CNTN1: variants seen among roughly 807,000 people sequenced by gnomAD.
CNTN1 encodes the protein contactin-1.
CNTN1 carries 38 observed loss-of-function variants against 126.4 expected under a neutral mutation model. That is an observed-to-expected ratio of 0.30 (90% CI 0.23 to 0.39). CNTN1 has a LOEUF of 0.39. Ranked by LOEUF, CNTN1 falls within the 10% of genes least tolerant of loss-of-function variation. The pLI is 1.00. For missense variants in CNTN1, 1,009 were observed against 1,248.4 expected (o/e 0.81, Z 2.89); for synonymous variants, 413 against 422.6 (o/e 0.98, Z 0.28).
In CNTN1 at chr12:40,971,786, T is replaced by C. The variant is rs997703680; in HGVS notation, c.1805-9123T>C. 2.1e-5 allele frequency: 25 copies of C among 1,196,838 alleles called. No homozygotes were observed. The African/African-American group carries it at 3.4e-4, about 16-fold the overall frequency. The allele number at this position is 1,196,838 out of a possible 1,614,324, so 74.1% of individuals were successfully genotyped here. ...GTGAAAGTTTTGTGTTTTCATGTCC[T>C]GTTTTTCTTTGAAATTATATAGCCC... is the stretch of plus-strand genomic sequence containing the variant. On this transcript the variant is annotated intron_variant, in intron 15 of 23. Transcript: ENST00000551295.
At chr12:40,889,004 C>T (rs955922559) in intron 1 of CNTN1, among the ~76,000 whole-genome samples, 2 of 152,244 alleles carry the variant, frequency 1.3e-5, no homozygotes, top group African/African-American at 4.8e-5. Flanking sequence ...GGGATGCGCT[C>T]CATGGAGCCA....
intron 1 of CNTN1, among the ~76,000 whole-genome samples, chr12:40,864,019 C>CTTTTTTTTTTT (rs71434336): frequency 2.2e-5 from 2 of 92,584 alleles, no homozygotes; most frequent in African/African-American, 4.1e-5. Context: ...CTCTGCTTTC[C>CTTTTTTTTTTT]TTTTTTTTTT....
rs1566234450 is a variant in CNTN1, at chr12:41,056,968, TA to T, written c.2981-12990del. On this transcript the variant is annotated intron_variant, in intron 23 of 23. Transcript: ENST00000551295. ...ATAATATTTAGATATTTATAAATAT[TA>T]TAAATATTTAGATATTTATAAATAT... 2.1e-3 allele frequency among the ~76,000 whole-genome samples: 193 copies of T among 93,874 alleles called. 6 individuals carry two copies. The highest frequency in any genetic ancestry group is 6.3e-3 in the East Asian group (21 of 3,354). 61.6% of individuals were successfully genotyped at this position (93,874 alleles called of 152,430 possible). A position where few individuals can be genotyped will look rare whatever the true frequency, so the allele number is the denominator to read the frequency against.
intron 1 of CNTN1, among the ~76,000 whole-genome samples, chr12:40,744,848 T>A (rs55635729): frequency 0.12 from 18,294 of 152,116 alleles, 1,213 homozygotes; most frequent in African/African-American, 0.14. Context: ...GTTTAACACC[T>A]ATGTTACATA....
chr12:40,792,256 A>C (rs924912952), intron 1 of CNTN1, among the ~76,000 whole-genome samples: 2 of 151,994 alleles, frequency 1.3e-5, no homozygotes, highest in Non-Finnish European at 2.9e-5. Context: ...CCACTTTTTA[A>C]TTTTGTTTGG....
intron 1 of CNTN1, among the ~76,000 whole-genome samples, chr12:40,750,365 C>G (rs867420475): frequency 1.3e-5 from 2 of 152,024 alleles, no homozygotes; most frequent in African/African-American, 4.8e-5. Context: ...GAGGGATTCA[C>G]TGTAGGTAAA....
intron 1 of CNTN1, among the ~76,000 whole-genome samples, chr12:40,847,200 CTT>C (rs965484717): frequency 7.9e-5 from 12 of 152,060 alleles, no homozygotes; most frequent in Admixed American, 2.0e-4. Context: ...CTTCTGCTTC[CTT>C]TTTGTTTTCT....
At chr12:41,040,325 G>A (rs1949370389) in intron 23 of CNTN1, among the ~76,000 whole-genome samples, 1 of 152,078 alleles carries the variant, frequency 6.6e-6, no homozygotes, top group Admixed American at 6.6e-5. Context: ...AATAATATCT[G>A]AACAAAATAT....
At chr12:40,901,419 C>T (rs531352371) in intron 1 of CNTN1, among the ~76,000 whole-genome samples, 3 of 152,026 alleles carry the variant, frequency 2.0e-5, no homozygotes, top group South Asian at 2.1e-4. Context: ...CTGAGTAAAT[C>T]GCAAGATAAT....
At chr12:41,010,173 C>A (rs1410941742) in intron 17 of CNTN1, among the ~76,000 whole-genome samples, 1 of 152,274 alleles carries the variant, frequency 6.6e-6, no homozygotes, top group Admixed American at 6.5e-5. Flanking sequence ...TTTCCAGAAT[C>A]ACCCAGGGCT....
chr12:40,977,762 A>G (rs867925665), intron 15 of CNTN1, among the ~76,000 whole-genome samples: 1 of 139,056 alleles, frequency 7.2e-6, no homozygotes, highest in South Asian at 2.4e-4. Flanking sequence ...CCTAACAATC[A>G]TCTGTTTTGT....
chr12:40,767,280 T>C (rs942647649), intron 1 of CNTN1, among the ~76,000 whole-genome samples: 1 of 151,128 alleles, frequency 6.6e-6, no homozygotes, highest in Non-Finnish European at 1.5e-5. Flanking sequence ...AATAATTGAA[T>C]TATCTTATTT....
At chr12:40,984,768 G>A (rs1301730907) in intron 16 of CNTN1, among the ~76,000 whole-genome samples, 3 of 151,978 alleles carry the variant, frequency 2.0e-5, no homozygotes, top group African/African-American at 7.3e-5. Flanking sequence ...TGTCCCCTTT[G>A]TGCAGCTAGT....
intron 1 of CNTN1, among the ~76,000 whole-genome samples, chr12:40,833,582 AAT>A (rs949077535): frequency 1.3e-4 from 19 of 147,298 alleles, no homozygotes; most frequent in African/African-American, 4.5e-4. Context: ...TAAAAAAAAA[AAT>A]CATTACCTTT....
chr12:40,930,268 A>G (rs1945838772), intron 7 of CNTN1, among the ~76,000 whole-genome samples: 1 of 152,022 alleles, frequency 6.6e-6, no homozygotes, highest in African/African-American at 2.4e-5. Context: ...ACCTTAGTCC[A>G]GTTCTAGTGT....
At chr12:40,874,552 T>C (rs1441922640) in intron 1 of CNTN1, among the ~76,000 whole-genome samples, 1 of 152,134 alleles carries the variant, frequency 6.6e-6, no homozygotes, top group Non-Finnish European at 1.5e-5. Context: ...ACCAACTGCA[T>C]TTTTTCTGTA....
At chr12:40,755,753 G>A (rs920722208) in intron 1 of CNTN1, among the ~76,000 whole-genome samples, 1 of 151,888 alleles carries the variant, frequency 6.6e-6, no homozygotes, top group South Asian at 2.1e-4. Context: ...GATTAGAGTA[G>A]GTGAGAGGGA....
chr12:40,937,502 C>A, intron 10 of CNTN1, 68 bp from the exon 11 acceptor site: 1 of 1,060,842 alleles, frequency 9.4e-7, no homozygotes, highest in African/African-American at 1.6e-5. Context: ...GACAACCAAA[C>A]CCAGACCTAA....
intron 17 of CNTN1, among the ~76,000 whole-genome samples, chr12:41,003,333 G>A (rs1361276721): frequency 6.6e-6 from 1 of 152,146 alleles, no homozygotes; most frequent in African/African-American, 2.4e-5. Context: ...TGTGCTGCTG[G>A]ATTTGGTTTG....
Sources: gnomAD v4.1 joint callset for allele counts (sites outside exome capture counted in the v4.1 genomes callset) on GRCh38, gnomAD v4.1.1 for gene constraint, MANE v1.5 for transcripts, NCBI Gene and HGNC (gene_info 2026-07-23, HGNC 2026-07-21) for gene names.